FAM135B: variants seen among roughly 807,000 people sequenced by gnomAD.
The protein encoded by FAM135B is family with sequence similarity 135 member B, also known as protein FAM135B.
In FAM135B, 43 loss-of-function variants were observed where a neutral mutation model predicts 127.7. The ratio of observed to expected loss-of-function variants is 0.34; its 90% confidence interval spans 0.26 to 0.43. The LOEUF is 0.43. FAM135B is among the 20% of genes least tolerant of loss of function. FAM135B has a pLI of 1.00. For missense variants in FAM135B, 1,558 were observed against 1,725.6 expected (o/e 0.90, Z 1.72); for synonymous variants, 670 against 665.1 (o/e 1.01, Z -0.11).
intron 1 of FAM135B, among the ~76,000 whole-genome samples, chr8:138,388,298 A>G (rs58123651): frequency 0.015 from 2,319 of 152,310 alleles, 40 homozygotes; most frequent in African/African-American, 0.043. Flanking sequence ...GCTGGTGGGA[A>G]TGCAAAATGG....
intron 2 of FAM135B, among the ~76,000 whole-genome samples, chr8:138,352,203 G>GT (rs770055497): frequency 6.6e-6 from 1 of 152,144 alleles, no homozygotes; most frequent in East Asian, 1.9e-4. Context: ...CAATTTGACT[G>GT]TTTAAAGGCC....
In FAM135B at chr8:138,152,837, T is replaced by G. The variant is rs118029994; in HGVS notation, c.1638A>C (p.Gly546=). The G allele has an allele frequency of 2.5e-6, 4 of 1,614,160 alleles. No homozygotes were observed. The South Asian group carries it at 4.4e-5, about 18-fold the overall frequency. ...TSRRSPGPED[G]QAPVLTYIDV... is the part of the protein sequence containing the mutation. The stretch of plus-strand genomic sequence containing the variant: ...CAATGTAGGTCAGCACTGGGGCCTG[T>G]CCATCCTCTGGACCTGGACTCCTTC... Residue 546 remains glycine, a synonymous_variant, in exon 13 of 20, where the codon GGA becomes GGC. Coordinates refer to ENST00000395297, the MANE Select transcript of FAM135B (RefSeq NM_015912.4).
chr8:138,379,618 T>C (rs554990822), intron 1 of FAM135B, among the ~76,000 whole-genome samples: 23 of 152,062 alleles, frequency 1.5e-4, no homozygotes, highest in African/African-American at 4.3e-4. Flanking sequence ...GACTCCAAGC[T>C]TGGGGGAAGC....
chr8:138,277,119 C>T (rs1309844761), intron 3 of FAM135B, among the ~76,000 whole-genome samples: 1 of 152,182 alleles, frequency 6.6e-6, no homozygotes, highest in Non-Finnish European at 1.5e-5. Context: ...CTTAGCTTCA[C>T]AGCTTTTCAC....
intron 1 of FAM135B, among the ~76,000 whole-genome samples, chr8:138,425,247 G>A (rs979844181): frequency 2.0e-5 from 3 of 152,124 alleles, no homozygotes; most frequent in African/African-American, 4.8e-5. Context: ...CTTTGATGTG[G>A]GTAAGATTGC....
Position 138,151,737 on chromosome 8 carries a change from A to T in FAM135B, c.2738T>A (p.Val913Glu), listed in dbSNP as rs768085315. 2 of 1,614,146 alleles carry T rather than the reference A, an allele frequency of 1.2e-6. No homozygotes were observed. The highest frequency in any genetic ancestry group is 1.7e-6 in the Non-Finnish European group (2 of 1,180,038). The change falls in exon 13 of 20, where the codon GTG becomes GAG. Residue 913 changes from valine (V) to glutamate (E), a missense_variant. Physicochemically the swap from Val to Glu is moderately radical, Grantham distance 121. Around this residue, in one of 5 missense-constraint regions of FAM135B, gnomAD observed 923 missense variants for 865.3 expected, o/e 1.07. Coordinates refer to ENST00000395297, the MANE Select transcript of FAM135B (RefSeq NM_015912.4). ...ACTGTTGGAAAGAGCTTGCTGACCC[A>T]CATTCAAGTCTTTAGGCATGCCCTT... ...TPKGMPKDLN[V>E]GQQALSNSGI...
At chr8:138,301,611 T>C (rs1825894037) in intron 3 of FAM135B, among the ~76,000 whole-genome samples, 1 of 152,200 alleles carries the variant, frequency 6.6e-6, no homozygotes, top group South Asian at 2.1e-4. Context: ...ATGCCTACTC[T>C]GCCCCAGGCC....
intron 1 of FAM135B, among the ~76,000 whole-genome samples, chr8:138,496,306 C>T (rs982715336): frequency 6.6e-6 from 1 of 152,172 alleles, no homozygotes; most frequent in African/African-American, 2.4e-5. Context: ...GTCCCCTCCA[C>T]CCCAGTGCGG....
intron 5 of FAM135B, among the ~76,000 whole-genome samples, chr8:138,253,330 A>G (rs1195519420): frequency 6.6e-6 from 1 of 152,176 alleles, no homozygotes; most frequent in African/African-American, 2.4e-5. Flanking sequence ...GCAGAGTAAC[A>G]AGTACAAATA....
chr8:138,197,677 G>A lies in FAM135B; in HGVS notation c.670-8C>T, dbSNP rs761352802. 4 of 1,612,172 alleles carry A rather than the reference G, an allele frequency of 2.5e-6. No homozygotes were observed. Among genetic ancestry groups the A allele is most frequent in the East Asian group, 2.2e-5 (1 of 44,792 alleles). On this transcript the variant is annotated splice_region_variant and splice_polypyrimidine_tract_variant and intron_variant, in intron 7 of 19. Coordinates refer to ENST00000395297, the MANE Select transcript of FAM135B (RefSeq NM_015912.4). ...GGTGATGTAGAAGCTTCCCTAAGGG[G>A]TGAAACAGAAACAGAGGCTGAGGAA...
At chr8:138,184,832 G>A (rs1425275456) in intron 9 of FAM135B, among the ~76,000 whole-genome samples, 1 of 152,182 alleles carries the variant, frequency 6.6e-6, no homozygotes, top group African/African-American at 2.4e-5. Context: ...ATCATCTCCA[G>A]GGAACTAGTG....
At chr8:138,250,486 C>G (rs1457527267) in intron 6 of FAM135B, among the ~76,000 whole-genome samples, 2 of 152,174 alleles carry the variant, frequency 1.3e-5, no homozygotes, top group African/African-American at 4.8e-5. Context: ...TCACTAAAAT[C>G]TTACGTAGAT....
intron 3 of FAM135B, among the ~76,000 whole-genome samples, chr8:138,290,468 T>C (rs1273727129): frequency 6.6e-6 from 1 of 152,138 alleles, no homozygotes; most frequent in Non-Finnish European, 1.5e-5. Context: ...TTTTTCTTCC[T>C]GAAATGTTAG....
chr8:138,212,116 C>T (rs184578920), intron 7 of FAM135B, among the ~76,000 whole-genome samples: 27 of 152,240 alleles, frequency 1.8e-4, no homozygotes, highest in African/African-American at 6.5e-4. Context: ...TACCTATTAG[C>T]AACGTGGTGA....
intron 7 of FAM135B, among the ~76,000 whole-genome samples, chr8:138,221,128 G>T (rs1818993205): frequency 6.6e-6 from 1 of 152,206 alleles, no homozygotes; most frequent in African/African-American, 2.4e-5. Flanking sequence ...AGAAATGCCT[G>T]AGACTGGGTA....
intron 1 of FAM135B, among the ~76,000 whole-genome samples, chr8:138,447,395 G>A (rs1163872732): frequency 6.6e-6 from 1 of 151,906 alleles, no homozygotes; most frequent in Non-Finnish European, 1.5e-5. Flanking sequence ...GCAAAGACTT[G>A]GAACCAACCC....
At chr8:138,268,751 A>G (rs983712403) in intron 3 of FAM135B, among the ~76,000 whole-genome samples, 1 of 152,204 alleles carries the variant, frequency 6.6e-6, no homozygotes, top group African/African-American at 2.4e-5. Context: ...TTGGGATGGC[A>G]GTCTTTCCTA....
At chr8:138,160,566 T>C (rs1284015074) in intron 12 of FAM135B, among the ~76,000 whole-genome samples, 1 of 150,962 alleles carries the variant, frequency 6.6e-6, no homozygotes, top group Non-Finnish European at 1.5e-5. Flanking sequence ...TTTTTTTTTT[T>C]TTTTGTATTT....
intron 1 of FAM135B, among the ~76,000 whole-genome samples, chr8:138,430,688 G>T (rs938256582): frequency 4.6e-5 from 7 of 152,130 alleles, no homozygotes; most frequent in African/African-American, 1.7e-4. Context: ...TTCGAGGACG[G>T]GGGTAAAAAG....
Sources: allele counts gnomAD v4.1 joint callset (sites outside exome capture counted in the v4.1 genomes callset), GRCh38; gene constraint gnomAD v4.1.1; regional missense constraint gnomAD v4.1.1; transcripts MANE v1.5; gene names NCBI Gene and HGNC (gene_info 2026-07-23, HGNC 2026-07-21).